The following PDE8B variants were observed in gnomAD, a reference collection of about 807,000 sequenced individuals.
PDE8B encodes the protein high affinity cAMP-specific and IBMX-insensitive 3',5'-cyclic phosphodiesterase 8B.
Under a neutral mutation model 101.3 loss-of-function variants are expected in PDE8B, and 26 were observed. That is an observed-to-expected ratio of 0.26 (90% CI 0.19 to 0.36). The LOEUF (loss-of-function observed/expected upper bound fraction) is 0.36. PDE8B is among the 10% of genes least tolerant of loss of function. The pLI is 1.00. For synonymous variants in PDE8B, 424 were observed against 429.3 expected, an observed-to-expected ratio of 0.99 and a Z score of 0.15; for missense variants, 810 against 1,163.1, an observed-to-expected ratio of 0.70 and a Z score of 4.42.
intron 1 of PDE8B, among the ~76,000 whole-genome samples, chr5:77,270,580 G>A (rs1222355886): frequency 6.6e-6 from 1 of 152,180 alleles, no homozygotes; most frequent in Non-Finnish European, 1.5e-5. Flanking sequence ...GATGGTATTT[G>A]GCTGAGGGAC....
the PDE8B span, among the ~76,000 whole-genome samples, chr5:77,116,221 TA>T: frequency 5.5e-5 from 4 of 72,500 alleles, no homozygotes; most frequent in African/African-American, 2.4e-4. Flanking sequence ...TATATATATA[TA>T]TATTTTTTTT....
the PDE8B span, among the ~76,000 whole-genome samples, chr5:77,189,863 C>T: frequency 6.6e-6 from 1 of 152,176 alleles, no homozygotes; most frequent in Non-Finnish European, 1.5e-5. Flanking sequence ...AGGAGACCAT[C>T]AGTCATCCAG....
intron 10 of PDE8B, among the ~76,000 whole-genome samples, chr5:77,370,312 A>G (rs1228921570): frequency 6.6e-6 from 1 of 152,134 alleles, no homozygotes; most frequent in African/African-American, 2.4e-5. Flanking sequence ...CTTCCCAATT[A>G]ATGTCTGTCC....
intron 17 of PDE8B, among the ~76,000 whole-genome samples, chr5:77,413,744 A>G (rs986300825): frequency 6.6e-6 from 1 of 152,116 alleles, no homozygotes; most frequent in Non-Finnish European, 1.5e-5. Context: ...TTTTACATAT[A>G]TTTATGTTTG....
the PDE8B span, among the ~76,000 whole-genome samples, chr5:77,160,687 T>C: frequency 4.6e-5 from 7 of 152,200 alleles, no homozygotes; most frequent in Non-Finnish European, 1.0e-4. Flanking sequence ...TGTCTTGCTC[T>C]GTTGCCCAGG....
chr5:77,265,653 C>G (rs899427514), intron 1 of PDE8B, among the ~76,000 whole-genome samples: 1 of 152,142 alleles, frequency 6.6e-6, no homozygotes, highest in Non-Finnish European at 1.5e-5. Flanking sequence ...AGGTAATTGG[C>G]CCTACTACAT....
At chr5:77,347,942 C>T (rs564731281) in intron 7 of PDE8B, among the ~76,000 whole-genome samples, 10 of 152,230 alleles carry the variant, frequency 6.6e-5, no homozygotes, top group African/African-American at 2.2e-4. Flanking sequence ...ATGCCCTTCC[C>T]TGCCTAGGGA....
intron 1 of PDE8B, among the ~76,000 whole-genome samples, chr5:77,252,475 A>G (rs757053600): frequency 4.6e-5 from 7 of 152,120 alleles, no homozygotes; most frequent in Non-Finnish European, 8.8e-5. Flanking sequence ...GATGTTTTAA[A>G]CTATTCAGTG....
intron 1 of PDE8B, chr5:77,214,085 A>C (rs1749114459): frequency 6.6e-6 from 1 of 152,204 alleles, no homozygotes; most frequent in African/African-American, 2.4e-5. Flanking sequence ...TAGTACTCCA[A>C]CAGGAGAATC....
rs754701847 is a variant in PDE8B at position 77,406,788 on chromosome 5, T to C, written c.1289-593T>C. ...AAACCAAGTATAAACATTAACTATG[T>C]AGAAAAATAAAAGATTTTTTAAAAA... On this transcript the variant is annotated intron_variant, in intron 12 of 21. Transcript: ENST00000264917. 2.0e-5 allele frequency among the ~76,000 whole-genome samples: 3 copies of C among 152,236 alleles called. 1 individual carries two copies. Among genetic ancestry groups the C allele is most frequent in the Non-Finnish European group, 2.9e-5 (2 of 68,048 alleles).
At chr5:77,290,718 A>C (rs1490253345) in intron 1 of PDE8B, 2 of 1,497,594 alleles carry the variant, frequency 1.3e-6, no homozygotes, top group African/African-American at 2.8e-5. Context: ...CCATGCACTG[A>C]TTGAGCAGTG....
intron 1 of PDE8B, among the ~76,000 whole-genome samples, chr5:77,265,668 C>T (rs542637099): frequency 6.6e-6 from 1 of 152,284 alleles, no homozygotes; most frequent in South Asian, 2.1e-4. Context: ...CTACATAGTA[C>T]CTTCCCTCTC....
chr5:77,393,238 A>G (rs1307626118), intron 10 of PDE8B, among the ~76,000 whole-genome samples: 5 of 152,244 alleles, frequency 3.3e-5, no homozygotes, highest in Admixed American at 3.3e-4. Context: ...TACTAAAAAT[A>G]CAAAAATTAG....
chr5:77,402,513 G>A (rs1190076066), intron 11 of PDE8B, among the ~76,000 whole-genome samples: 10 of 152,052 alleles, frequency 6.6e-5, no homozygotes, highest in Non-Finnish European at 4.4e-5. Flanking sequence ...GGACACTAAA[G>A]TAAATGGTTA....
intron 10 of PDE8B, among the ~76,000 whole-genome samples, chr5:77,399,488 A>C (rs1283315325): frequency 6.6e-6 from 1 of 152,252 alleles, no homozygotes; most frequent in Admixed American, 6.5e-5. Context: ...TGGTCTGAGC[A>C]CTTGAAAGTA....
chr5:77,351,994 AT>A (rs1264220183), intron 9 of PDE8B, among the ~76,000 whole-genome samples: 2 of 152,228 alleles, frequency 1.3e-5, no homozygotes, highest in African/African-American at 4.8e-5. Context: ...GGTATTTGTA[AT>A]AGCTTGTTTC....
chr5:77,091,378 G>T, the PDE8B span, among the ~76,000 whole-genome samples: 1 of 152,168 alleles, frequency 6.6e-6, no homozygotes, highest in Non-Finnish European at 1.5e-5. Context: ...AGTGGCTCAC[G>T]CCTGTAATCC....
At chr5:77,373,117 G>T (rs1423762437) in intron 10 of PDE8B, among the ~76,000 whole-genome samples, 1 of 151,822 alleles carries the variant, frequency 6.6e-6, no homozygotes, top group Non-Finnish European at 1.5e-5. Context: ...TTCTGTCTAG[G>T]TGAGATTTAT....
At chr5:77,413,650 A>G (rs561906838) in intron 17 of PDE8B, among the ~76,000 whole-genome samples, 3 of 152,284 alleles carry the variant, frequency 2.0e-5, no homozygotes, top group South Asian at 2.1e-4. Flanking sequence ...TACTAGATCT[A>G]TAGGTTAAAT....
Sources: allele counts gnomAD v4.1 joint callset (sites outside exome capture counted in the v4.1 genomes callset), GRCh38; gene constraint gnomAD v4.1.1; transcripts MANE v1.5; gene names NCBI Gene and HGNC (gene_info 2026-07-23, HGNC 2026-07-21).